TGFB2: variants seen among roughly 807,000 people sequenced by gnomAD.
TGFB2 encodes transforming growth factor beta-2 proprotein.
In TGFB2, 13 loss-of-function variants were observed where a neutral mutation model predicts 42.7. The observed-to-expected ratio is 0.30, with a 90% CI of 0.20 to 0.48. The LOEUF is 0.48. Ranked by LOEUF, TGFB2 falls within the 20% of genes least tolerant of loss-of-function variation. The probability of loss-of-function intolerance (pLI) is 0.99; values close to 1 mark genes in which losing one functional copy is unlikely to be tolerated. For synonymous variants in TGFB2, 193 were observed against 193.6 expected (o/e 1.00, Z 0.03); for missense variants, 390 against 517.5 (o/e 0.75, Z 2.39).
chr1:218,367,330 C>T (rs775523474), intron 1 of TGFB2, among the ~76,000 whole-genome samples: 1 of 152,180 alleles, frequency 6.6e-6, no homozygotes, highest in Non-Finnish European at 1.5e-5. Flanking sequence ...ACTATCTCAG[C>T]CAAACTCAGC....
chr1:218,421,336 G>T (rs1226741102), intron 2 of TGFB2, among the ~76,000 whole-genome samples: 1 of 150,036 alleles, frequency 6.7e-6, no homozygotes, highest in Non-Finnish European at 1.5e-5. Flanking sequence ...TAATCTCTGT[G>T]GTGGGTTTCT....
At chr1:218,399,736 C>T (rs1448354320) in intron 1 of TGFB2, among the ~76,000 whole-genome samples, 1 of 152,020 alleles carries the variant, frequency 6.6e-6, no homozygotes, top group Non-Finnish European at 1.5e-5. Context: ...TGCCCCAGGA[C>T]ACTTAGCTCC....
intron 1 of TGFB2, among the ~76,000 whole-genome samples, chr1:218,360,524 G>A (rs1657175020): frequency 6.6e-6 from 1 of 152,156 alleles, no homozygotes; most frequent in Non-Finnish European, 1.5e-5. Flanking sequence ...TGGGGATGGG[G>A]TAGGGAGAGC....
At chr1:218,356,882 C>A (rs1245736163) in intron 1 of TGFB2, among the ~76,000 whole-genome samples, 1 of 152,156 alleles carries the variant, frequency 6.6e-6, no homozygotes, top group African/African-American at 2.4e-5. Context: ...ATTTTAAAGG[C>A]GGCTTTAGCA....
intron 2 of TGFB2, among the ~76,000 whole-genome samples, chr1:218,407,985 A>G (rs1658968877): frequency 6.6e-6 from 1 of 152,200 alleles, no homozygotes; most frequent in Non-Finnish European, 1.5e-5. Context: ...ACAAACAAAA[A>G]ACATGATTAT....
intron 1 of TGFB2, among the ~76,000 whole-genome samples, chr1:218,370,920 G>A (rs529247188): frequency 1.3e-5 from 2 of 152,310 alleles, no homozygotes; most frequent in African/African-American, 4.8e-5. Context: ...AGGGGAGAGG[G>A]ACAGCCAGCA....
chr1:218,433,138 G>T (rs572041660), intron 2 of TGFB2, among the ~76,000 whole-genome samples: 54 of 152,012 alleles, frequency 3.6e-4, no homozygotes, highest in African/African-American at 1.3e-3. Context: ...ATGCCACCTC[G>T]GCTCACTGCA....
In TGFB2 at chr1:218,430,052, C is replaced by T. The variant is rs190583074; in HGVS notation, c.511-4030C>T. Reference sequence around the variant, plus strand: ...TAATGGAGAATGCTGGTTACTCTGGCCAGTTAAGGGGAGGCCAGTTAAGAG... The same window carrying T: ...TAATGGAGAATGCTGGTTACTCTGGTCAGTTAAGGGGAGGCCAGTTAAGAG... On this transcript the variant is annotated intron_variant, in intron 2 of 6. Transcript: ENST00000366930. 3.9e-3 allele frequency among the ~76,000 whole-genome samples: 600 copies of T among 152,084 alleles called. 1 individual carries two copies. Among genetic ancestry groups the T allele is most frequent in the Non-Finnish European group, 5.8e-3 (393 of 68,004 alleles).
chr1:218,374,296 T>C (rs1424437439), intron 1 of TGFB2, among the ~76,000 whole-genome samples: 1 of 152,258 alleles, frequency 6.6e-6, no homozygotes, highest in African/African-American at 2.4e-5. Context: ...AGCCAGTTCC[T>C]GATAGGCCCC....
chr1:218,381,794 G>A (rs1657969914), intron 1 of TGFB2, among the ~76,000 whole-genome samples: 1 of 152,164 alleles, frequency 6.6e-6, no homozygotes, highest in Admixed American at 6.5e-5. Flanking sequence ...ATAAACAGAG[G>A]TAGTAGATGA....
At chr1:218,381,833 G>A (rs536131312) in intron 1 of TGFB2, among the ~76,000 whole-genome samples, 13 of 132,104 alleles carry the variant, frequency 9.8e-5, no homozygotes, top group African/African-American at 3.5e-4. Context: ...GTGTGTAGGG[G>A]TGTGTGTGTG....
intron 1 of TGFB2, among the ~76,000 whole-genome samples, chr1:218,392,911 G>A (rs925001192): frequency 1.3e-5 from 2 of 152,198 alleles, no homozygotes; most frequent in Non-Finnish European, 2.9e-5. Flanking sequence ...CCACTTATTA[G>A]CTTAAGCTTT....
intron 1 of TGFB2, among the ~76,000 whole-genome samples, chr1:218,369,091 C>T (rs1351042132): frequency 6.6e-6 from 1 of 151,450 alleles, no homozygotes; most frequent in African/African-American, 2.4e-5. Flanking sequence ...CCTGTCTCTA[C>T]TAAAAATACA....
At position 218,436,191 on chromosome 1, in the gene TGFB2, T is replaced by G. The variant is rs758685759; in HGVS notation, c.932+44T>G. ...AAACCAAGTAATTGCATCTGTTAAC[T>G]CTTAAACTGCCTTTGCCCTTTCTTT... On this transcript the variant is annotated intron_variant, in intron 5 of 6. Transcript: ENST00000366930. The G allele has an allele frequency of 2.5e-6, 4 of 1,588,280 alleles. No homozygotes were observed. In the South Asian group the frequency reaches 3.5e-5, roughly 14 times the overall value.
intron 1 of TGFB2, among the ~76,000 whole-genome samples, chr1:218,354,585 A>C (rs969973431): frequency 6.6e-6 from 1 of 152,226 alleles, no homozygotes; most frequent in Non-Finnish European, 1.5e-5. Flanking sequence ...TTGACAGCTG[A>C]GGAAATGGAA....
At chr1:218,430,299 G>T (rs542774393) in intron 2 of TGFB2, among the ~76,000 whole-genome samples, 1 of 152,044 alleles carries the variant, frequency 6.6e-6, no homozygotes, top group East Asian at 1.9e-4. Flanking sequence ...GGAGTCTGAG[G>T]CGAGAGAATC....
At chr1:218,419,199 T>C (rs994873595) in intron 2 of TGFB2, among the ~76,000 whole-genome samples, 7 of 152,050 alleles carry the variant, frequency 4.6e-5, no homozygotes, top group African/African-American at 9.7e-5. Flanking sequence ...CCCTCATTCA[T>C]AGGGCTCCCC....
rs138252384 is a variant in TGFB2 at position 218,425,313 on chromosome 1, T to C, written c.511-8769T>C. Among the ~76,000 whole-genome samples, 1,069 of 152,196 alleles carry C rather than the reference T, an allele frequency of 7.0e-3. 13 individuals carry two copies. Among genetic ancestry groups the C allele is most frequent in the African/African-American group, 0.024 (1,010 of 41,518 alleles). On this transcript the variant is annotated intron_variant, in intron 2 of 6. Transcript: ENST00000366930. The stretch of plus-strand genomic sequence containing the variant: ...AGCTCCGTCTCCTGGGTTCACGCCA[T>C]TCTCCTGCCTCAGCCTCCCGAGTAG...
intron 1 of TGFB2, among the ~76,000 whole-genome samples, chr1:218,387,626 T>C (rs1658181469): frequency 1.3e-5 from 2 of 152,156 alleles, no homozygotes; most frequent in South Asian, 4.1e-4. Context: ...ATATGAGATC[T>C]ACAGAGAAAT....
Sources: gnomAD v4.1 joint callset for allele counts (sites outside exome capture counted in the v4.1 genomes callset) on GRCh38, gnomAD v4.1.1 for gene constraint, MANE v1.5 for transcripts, NCBI Gene and HGNC (gene_info 2026-07-23, HGNC 2026-07-21) for gene names.